JAKMIP2: variants seen among roughly 807,000 people sequenced by gnomAD.
JAKMIP2 encodes janus kinase and microtubule-interacting protein 2.
JAKMIP2 carries 25 observed loss-of-function variants against 115.0 expected under a neutral mutation model. The observed-to-expected ratio is 0.22, with a 90% confidence interval of 0.16 to 0.30. The LOEUF (loss-of-function observed/expected upper bound fraction) is 0.30, where lower values mean the gene tolerates loss of function less well. Among genes scored for constraint, JAKMIP2 ranks in the 10% least tolerant of loss-of-function variants. The pLI is 1.00. For synonymous variants in JAKMIP2, 334 were observed against 343.6 expected (o/e 0.97, Z 0.31); for missense variants, 642 against 957.6 (o/e 0.67, Z 4.35).
At chr5:147,628,175 T>C (rs988694160) in intron 16 of JAKMIP2, among the ~76,000 whole-genome samples, 2 of 152,158 alleles carry the variant, frequency 1.3e-5, no homozygotes, top group Non-Finnish European at 2.9e-5. Context: ...GTACATACCA[T>C]CCAGCCAGGC....
intron 1 of JAKMIP2, among the ~76,000 whole-genome samples, chr5:147,674,982 A>AT (rs1759850386): frequency 6.6e-6 from 1 of 152,236 alleles, no homozygotes; most frequent in South Asian, 2.1e-4. Flanking sequence ...ACTTTGACAC[A>AT]TGGAGTCACT....
intron 3 of JAKMIP2, among the ~76,000 whole-genome samples, chr5:147,658,344 T>G (rs1463350345): frequency 3.3e-5 from 5 of 152,212 alleles, no homozygotes; most frequent in African/African-American, 1.2e-4. Context: ...CAGTGGAGAC[T>G]GCAGAACAGC....
intron 5 of JAKMIP2, among the ~76,000 whole-genome samples, chr5:147,648,157 GA>G (rs1323082037): frequency 6.6e-6 from 1 of 152,182 alleles, no homozygotes; most frequent in Non-Finnish European, 1.5e-5. Context: ...TGCTAATTGG[GA>G]GGGGTCACAA....
intron 1 of JAKMIP2, among the ~76,000 whole-genome samples, chr5:147,700,431 A>G (rs1752278777): frequency 6.8e-6 from 1 of 146,372 alleles, no homozygotes; most frequent in South Asian, 2.4e-4. Context: ...ACAAAAAGAC[A>G]GATATTTAAA....
intron 4 of JAKMIP2, among the ~76,000 whole-genome samples, chr5:147,649,362 C>G (rs1758281958): frequency 6.6e-6 from 1 of 152,086 alleles, no homozygotes; most frequent in Non-Finnish European, 1.5e-5. Flanking sequence ...AGACACCATG[C>G]TCAACATTTT....
intron 15 of JAKMIP2, among the ~76,000 whole-genome samples, chr5:147,629,342 T>C (rs1757253371): frequency 6.6e-6 from 1 of 152,174 alleles, no homozygotes; most frequent in African/African-American, 2.4e-5. Context: ...CCAACAACCC[T>C]AGTATTTAGC....
chr5:147,639,457 G>C (rs1757777663), intron 10 of JAKMIP2, among the ~76,000 whole-genome samples, 175 bp downstream of exon 10: 1 of 152,168 alleles, frequency 6.6e-6, no homozygotes, highest in African/African-American at 2.4e-5. Context: ...ATCTAAGCTG[G>C]TTCTAATGTT....
At chr5:147,689,632 C>T (rs536280386) in intron 1 of JAKMIP2, among the ~76,000 whole-genome samples, 4 of 152,264 alleles carry the variant, frequency 2.6e-5, no homozygotes, top group South Asian at 2.1e-4. Flanking sequence ...AAACAGTACA[C>T]GTTACTGTTT....
intron 1 of JAKMIP2, among the ~76,000 whole-genome samples, chr5:147,692,537 G>C (rs1580790596): frequency 1.3e-5 from 2 of 152,286 alleles, no homozygotes; most frequent in Non-Finnish European, 2.9e-5. Context: ...ATCACAGCTT[G>C]TGGTTATAAA....
intron 1 of JAKMIP2, among the ~76,000 whole-genome samples, chr5:147,776,833 C>A (rs988237318): frequency 3.3e-5 from 5 of 152,122 alleles, no homozygotes; most frequent in African/African-American, 1.2e-4. Context: ...GAGACTAAGG[C>A]ACAAGAATCA....
chr5:147,702,628 GAAAGAAAGAA>G (rs1752400074), intron 1 of JAKMIP2, among the ~76,000 whole-genome samples: 2 of 117,118 alleles, frequency 1.7e-5, no homozygotes, highest in African/African-American at 3.6e-5. Context: ...AAGAAAGAAA[GAAAGAAAGAA>G]AGAAAGAAAG....
At chr5:147,710,667 G>A (rs917336101) in intron 1 of JAKMIP2, among the ~76,000 whole-genome samples, 6 of 152,148 alleles carry the variant, frequency 3.9e-5, no homozygotes, top group African/African-American at 1.4e-4. Context: ...CTGCATAAAG[G>A]AATGTTGTAG....
At chr5:147,623,239 T>TTTG (rs1756935571) in intron 17 of JAKMIP2, among the ~76,000 whole-genome samples, 1 of 151,152 alleles carries the variant, frequency 6.6e-6, no homozygotes, top group African/African-American at 2.4e-5. Context: ...TTTTTTTTTT[T>TTTG]GATAAGAGTT....
At chr5:147,636,845 G>T in intron 11 of JAKMIP2, 120 bp downstream of exon 11, 1 of 784,528 alleles carries the variant, frequency 1.3e-6, no homozygotes, top group South Asian at 1.4e-5. Context: ...AACGCAGTTC[G>T]AGAAAGATCA....
At position 147,640,820 on chromosome 5, in the gene JAKMIP2, G is replaced by C. The variant is rs374234921; in HGVS notation, c.1285C>G (p.Pro429Ala). The C allele has an allele frequency of 6.2e-7, 1 of 1,611,178 alleles. No individual in the cohort carries two copies. The highest frequency in any genetic ancestry group is 8.5e-7 in the Non-Finnish European group (1 of 1,179,194). ...HRRSSKPIKR[P>A]VLDPFIGYDE... ...TAGCCAATAAACGGGTCCAAAACAG[G>C]CCTCTAAATGGAGGGAAAGTACCTA... The change falls in exon 9 of 22, where the codon CCT becomes GCT. Residue 429 changes from proline (P) to alanine (A), a missense_variant. Pro to Ala is a conservative substitution (Grantham distance 27). Around this residue, in one of 6 missense-constraint regions of JAKMIP2, gnomAD observed 439 missense variants for 570.9 expected, o/e 0.77. Transcript: ENST00000616793.
chr5:147,688,854 A>G (rs1443831432), intron 1 of JAKMIP2, among the ~76,000 whole-genome samples: 3 of 152,246 alleles, frequency 2.0e-5, no homozygotes, highest in African/African-American at 7.2e-5. Flanking sequence ...TTGGTATGGA[A>G]GATACAGCAG....
At chr5:147,715,891 T>C (rs1752962392) in intron 1 of JAKMIP2, among the ~76,000 whole-genome samples, 1 of 149,026 alleles carries the variant, frequency 6.7e-6, no homozygotes. Context: ...ATGTGCACAA[T>C]GTGCAGGTTA....
intron 20 of JAKMIP2, among the ~76,000 whole-genome samples, chr5:147,610,658 G>C (rs960575520): frequency 4.6e-5 from 7 of 152,204 alleles, no homozygotes; most frequent in Admixed American, 2.6e-4. Context: ...GAGGCACGGG[G>C]GTCAGGGACC....
intron 2 of JAKMIP2, among the ~76,000 whole-genome samples, chr5:147,665,421 G>T (rs1759244457): frequency 6.6e-6 from 1 of 152,118 alleles, no homozygotes; most frequent in Admixed American, 6.5e-5. Flanking sequence ...TAAGACCTTG[G>T]GAAAGTTACT....
Sources: allele counts gnomAD v4.1 joint callset (sites outside exome capture counted in the v4.1 genomes callset), GRCh38; gene constraint gnomAD v4.1.1; regional missense constraint gnomAD v4.1.1; transcripts MANE v1.5; gene names NCBI Gene and HGNC (gene_info 2026-07-23, HGNC 2026-07-21).